The following FILIP1L variants were observed in gnomAD, a reference collection of about 807,000 sequenced individuals.
FILIP1L encodes the protein filamin A interacting protein 1 like, also known as filamin A-interacting protein 1-like.
In FILIP1L, 55 loss-of-function variants were observed where a neutral mutation model predicts 96.6. The ratio of observed to expected loss-of-function variants is 0.57; its 90% CI spans 0.46 to 0.71. The LOEUF (loss-of-function observed/expected upper bound fraction) is 0.71, where lower values mean the gene tolerates loss of function less well. Among genes scored for constraint, FILIP1L ranks in the 30% least tolerant of loss-of-function variants. FILIP1L has a pLI of 0.00. For missense variants in FILIP1L, 1,304 were observed against 1,321.2 expected, an observed-to-expected ratio of 0.99 and a Z score of 0.20; for synonymous variants, 467 against 473.9, an observed-to-expected ratio of 0.99 and a Z score of 0.19.
chr3:99,977,059 C>A (rs1708993997), intron 1 of FILIP1L, among the ~76,000 whole-genome samples: 1 of 152,178 alleles, frequency 6.6e-6, no homozygotes, highest in Non-Finnish European at 1.5e-5. Context: ...CTACTAATAG[C>A]ACCTAGTGTC....
chr3:99,992,664 TTTAA>T (rs1202943737), intron 1 of FILIP1L, among the ~76,000 whole-genome samples: 1 of 152,134 alleles, frequency 6.6e-6, no homozygotes, highest in African/African-American at 2.4e-5. Context: ...AGCTTTTTAG[TTTAA>T]TTAAGTCCAA....
chr3:99,938,633 G>A (rs1360793527), intron 1 of FILIP1L, among the ~76,000 whole-genome samples: 1 of 152,172 alleles, frequency 6.6e-6, no homozygotes, highest in Non-Finnish European at 1.5e-5. Flanking sequence ...AGAATGGAAA[G>A]AGATGTATTA....
At chr3:99,899,323 G>A (rs189753816) in intron 4 of FILIP1L, among the ~76,000 whole-genome samples, 39 of 152,248 alleles carry the variant, frequency 2.6e-4, no homozygotes, top group African/African-American at 9.4e-4. Flanking sequence ...CTTTATGGGT[G>A]TTTTGGTCAT....
At chr3:100,039,548 G>C (rs1233997679) in intron 1 of FILIP1L, among the ~76,000 whole-genome samples, 1 of 152,076 alleles carries the variant, frequency 6.6e-6, no homozygotes, top group Non-Finnish European at 1.5e-5. Flanking sequence ...GATACCAGGA[G>C]TACCTTGGAA....
At chr3:99,906,217 T>C (rs1258095660) in intron 4 of FILIP1L, among the ~76,000 whole-genome samples, 1 of 152,164 alleles carries the variant, frequency 6.6e-6, no homozygotes, top group Non-Finnish European at 1.5e-5. Flanking sequence ...TAAATAAATA[T>C]TAGCCTTTCT....
At chr3:99,906,708 T>C (rs1318553660) in intron 4 of FILIP1L, among the ~76,000 whole-genome samples, 1 of 152,214 alleles carries the variant, frequency 6.6e-6, no homozygotes, top group African/African-American at 2.4e-5. Context: ...TTCCTGGGTA[T>C]ATGGCTGCCC....
chr3:99,850,561 A>G lies in FILIP1L; in HGVS notation c.1115T>C (p.Val372Ala). The change falls in exon 5 of 6, where the codon GTG (valine) becomes GCG (alanine). Residue 372 changes from valine to alanine, a missense_variant. Coordinates refer to ENST00000477258, the MANE Select transcript of FILIP1L (RefSeq NM_001387850.1). ...TAGCACACGTTTCCTGAGCTCTTCC[A>G]CTTCAGCCATGATACCAGCGTTTCC... Reference protein sequence around the residue: ...EYGNAGIMAEVEELRKRVLDM... With the variant: ...EYGNAGIMAEAEELRKRVLDM... The G allele has an allele frequency of 6.2e-7, 1 of 1,613,396 alleles. No individual in the cohort carries two copies.
chr3:100,102,039 G>C (rs1326723943), intron 1 of FILIP1L, among the ~76,000 whole-genome samples: 1 of 152,116 alleles, frequency 6.6e-6, no homozygotes, highest in Non-Finnish European at 1.5e-5. Context: ...ATTTGGCTTG[G>C]TTCCAAGTCT....
chr3:99,972,978 T>G (rs1708866009), intron 1 of FILIP1L, among the ~76,000 whole-genome samples: 2 of 152,196 alleles, frequency 1.3e-5, no homozygotes, highest in Non-Finnish European at 2.9e-5. Flanking sequence ...CAATAAAAGC[T>G]GAGAGCAGAA....
chr3:99,925,851 T>A (rs1485746347), intron 3 of FILIP1L: 1 of 985,390 alleles, frequency 1.0e-6, no homozygotes, highest in Non-Finnish European at 1.2e-6. Flanking sequence ...ACAGCCAAGC[T>A]CACTGGGCTG....
intron 5 of FILIP1L, among the ~76,000 whole-genome samples, chr3:99,831,572 GAC>G (rs1942670910): frequency 6.6e-6 from 1 of 152,322 alleles, no homozygotes; most frequent in Middle Eastern, 3.4e-3. Context: ...TGAAGTCAGT[GAC>G]AGACTAATCA....
At chr3:100,053,719 G>A (rs2065413275) in intron 1 of FILIP1L, among the ~76,000 whole-genome samples, 1 of 152,142 alleles carries the variant, frequency 6.6e-6, no homozygotes. Context: ...GTCTACACTT[G>A]AGCATTCTGT....
intron 4 of FILIP1L, among the ~76,000 whole-genome samples, chr3:99,883,761 A>G (rs1705806357): frequency 6.6e-6 from 1 of 152,198 alleles, no homozygotes; most frequent in Admixed American, 6.5e-5. Flanking sequence ...TTAATGTTTA[A>G]TTGATGTCAG....
chr3:100,002,493 A>G (rs1342824864), intron 1 of FILIP1L, among the ~76,000 whole-genome samples: 2 of 152,224 alleles, frequency 1.3e-5, no homozygotes, highest in African/African-American at 4.8e-5. Flanking sequence ...CAAGATTTGC[A>G]CACAGGTACA....
chr3:100,068,186 A>G (rs148807329), intron 1 of FILIP1L, among the ~76,000 whole-genome samples: 2,416 of 152,338 alleles, frequency 0.016, 60 homozygotes, highest in African/African-American at 0.054. Flanking sequence ...CAAATTGGCA[A>G]ATTTTTTAAT....
At chr3:99,903,065 T>G (rs964545413) in intron 4 of FILIP1L, among the ~76,000 whole-genome samples, 3 of 152,178 alleles carry the variant, frequency 2.0e-5, no homozygotes, top group Non-Finnish European at 2.9e-5. Flanking sequence ...TTTATACTTT[T>G]GTGTCCCTAG....
At chr3:99,980,880 C>A (rs1164567787) in intron 1 of FILIP1L, among the ~76,000 whole-genome samples, 1 of 152,166 alleles carries the variant, frequency 6.6e-6, no homozygotes, top group Non-Finnish European at 1.5e-5. Context: ...CTTCCTTTAA[C>A]ATTATGCTAG....
At position 99,850,785 on chromosome 3, in the gene FILIP1L, C is replaced by T. The variant is rs373047332; in HGVS notation, c.891G>A (p.Thr297=). 4 of 1,614,040 alleles carry T rather than the reference C, an allele frequency of 2.5e-6. No individual in the cohort carries two copies. The highest frequency in any genetic ancestry group is 1.1e-5 in the South Asian group (1 of 91,090). The part of the protein sequence containing the change: ...KATRLEKELQ[T]QTTKFHQDQD... ...GGTCTTGGTGAAACTTTGTGGTCTG[C>T]GTTTGCAGTTCCTTCTCTAGTCTGG... The change falls in exon 5 of 6, where the codon ACG becomes ACA. Residue 297 remains threonine (T), a synonymous_variant. Coordinates refer to ENST00000477258, the MANE Select transcript of FILIP1L (RefSeq NM_001387850.1).
intron 1 of FILIP1L, among the ~76,000 whole-genome samples, chr3:100,067,301 A>T (rs879292284): frequency 6.6e-6 from 1 of 152,200 alleles, no homozygotes; most frequent in Non-Finnish European, 1.5e-5. Context: ...CTTGGCATTT[A>T]TACAAGTTAT....
Sources: allele counts gnomAD v4.1 joint callset (sites outside exome capture counted in the v4.1 genomes callset), GRCh38; gene constraint gnomAD v4.1.1; transcripts MANE v1.5; gene names NCBI Gene and HGNC (gene_info 2026-07-23, HGNC 2026-07-21).